Variants in GPC6 observed in about 807,000 individuals in gnomAD.
GPC6 encodes glypican-6.
In GPC6, 14 loss-of-function variants were observed where a neutral mutation model predicts 55.2. The ratio of observed to expected loss-of-function variants is 0.25; its 90% CI spans 0.17 to 0.40. The LOEUF (loss-of-function observed/expected upper bound fraction) is 0.40, where lower values mean the gene tolerates loss of function less well. GPC6 is among the 10% of genes least tolerant of loss of function. The pLI is 1.00. For synonymous variants in GPC6, 278 were observed against 259.6 expected (o/e 1.07, Z -0.68); for missense variants, 641 against 708.5 (o/e 0.90, Z 1.08).
chr13:93,256,169 CAAA>C (rs1230331244), intron 1 of GPC6, among the ~76,000 whole-genome samples: 1 of 55,126 alleles, frequency 1.8e-5, no homozygotes, highest in Non-Finnish European at 3.6e-5. Flanking sequence ...GACTCCATCT[CAAA>C]AAAAAAAAAA....
intron 1 of GPC6, among the ~76,000 whole-genome samples, chr13:93,355,429 G>C (rs1048866079): frequency 6.6e-6 from 1 of 152,174 alleles, no homozygotes; most frequent in East Asian, 1.9e-4. Context: ...TTATGGAAAA[G>C]GCAGCATTTG....
chr13:93,449,239 C>CT (rs36025001), intron 1 of GPC6, among the ~76,000 whole-genome samples: 32,753 of 152,028 alleles, frequency 0.22, 3,651 homozygotes, highest in Middle Eastern at 0.28. Flanking sequence ...TAAGGAAAGA[C>CT]TAGGAAAAGG....
At chr13:94,330,191 G>A (rs1018637909) in intron 6 of GPC6, among the ~76,000 whole-genome samples, 1 of 152,168 alleles carries the variant, frequency 6.6e-6, no homozygotes, top group African/African-American at 2.4e-5. Flanking sequence ...TGGAAACGAT[G>A]CAACCCTTGC....
intron 2 of GPC6, among the ~76,000 whole-genome samples, chr13:93,554,191 G>A (rs1245473004): frequency 1.3e-5 from 2 of 151,386 alleles, no homozygotes; most frequent in Admixed American, 1.3e-4. Context: ...ACATACACAG[G>A]ACTGAAGATA....
At chr13:94,136,302 C>A (rs149482788) in intron 4 of GPC6, among the ~76,000 whole-genome samples, 1 of 151,594 alleles carries the variant, frequency 6.6e-6, no homozygotes, top group African/African-American at 2.4e-5. Context: ...TTTGGGGGAG[C>A]TGCAAGCAGT....
At chr13:94,102,853 T>C (rs147883886) in intron 4 of GPC6, among the ~76,000 whole-genome samples, 85 of 152,284 alleles carry the variant, frequency 5.6e-4, no homozygotes, top group African/African-American at 2.0e-3. Context: ...TACAACTTAA[T>C]TAGTTATGTA....
rs200666212 is a variant in GPC6, at chr13:94,309,364, A to AT, written c.1152+3248dup. On this transcript the variant is annotated intron_variant, in intron 6 of 8. Coordinates refer to ENST00000377047, the MANE Select transcript of GPC6 (RefSeq NM_005708.5). ...TTCTTATATCAGTTATTCTAAAGCTATTTTTTTAATGTGAACTGGTCGTTA... is the reference window on the plus strand; with the variant it reads ...TTCTTATATCAGTTATTCTAAAGCTATTTTTTTTAATGTGAACTGGTCGTTA... Among the ~76,000 whole-genome samples, 755 of 152,214 alleles carry AT rather than the reference A, an allele frequency of 5.0e-3. 6 individuals are homozygous for AT. Among genetic ancestry groups the AT allele is most frequent in the African/African-American group, 0.017 (716 of 41,534 alleles).
At chr13:94,256,864 A>G (rs1891522490) in intron 4 of GPC6, among the ~76,000 whole-genome samples, 1 of 152,144 alleles carries the variant, frequency 6.6e-6, no homozygotes, top group African/African-American at 2.4e-5. Context: ...TCTTTTTTAG[A>G]CTGAACAAAA....
At chr13:94,275,389 AC>A (rs1892170890) in intron 4 of GPC6, among the ~76,000 whole-genome samples, 1 of 152,154 alleles carries the variant, frequency 6.6e-6, no homozygotes, top group Admixed American at 6.5e-5. Flanking sequence ...AGAATGAGTT[AC>A]GTCTACATCT....
intron 1 of GPC6, among the ~76,000 whole-genome samples, chr13:93,307,987 C>G (rs1047400573): frequency 2.0e-5 from 3 of 152,008 alleles, no homozygotes; most frequent in Admixed American, 6.6e-5. Flanking sequence ...AAATGGTGGC[C>G]GGGCATGGTG....
At chr13:93,451,894 A>G (rs139244359) in intron 1 of GPC6, among the ~76,000 whole-genome samples, 21 of 152,232 alleles carry the variant, frequency 1.4e-4, no homozygotes, top group African/African-American at 4.3e-4. Context: ...CTATGATACC[A>G]GAGCAGTGTA....
intron 4 of GPC6, among the ~76,000 whole-genome samples, chr13:94,134,440 TC>T (rs1341649248): frequency 6.6e-6 from 1 of 152,168 alleles, no homozygotes; most frequent in Non-Finnish European, 1.5e-5. Context: ...GAAATTTAGA[TC>T]CCCCAGAAGA....
At chr13:94,127,178 C>T (rs1431322373) in intron 4 of GPC6, among the ~76,000 whole-genome samples, 3 of 151,864 alleles carry the variant, frequency 2.0e-5, no homozygotes. Flanking sequence ...TGGTTTGAAC[C>T]TATGAAGGAG....
intron 4 of GPC6, among the ~76,000 whole-genome samples, chr13:94,237,603 G>A (rs1890918229): frequency 6.6e-6 from 1 of 152,142 alleles, no homozygotes; most frequent in Admixed American, 6.6e-5. Context: ...AAGAGCATTT[G>A]CCCTACACAG....
At chr13:93,547,174 CAAAAAAA>C (rs55697128) in intron 2 of GPC6, among the ~76,000 whole-genome samples, 86,403 of 129,062 alleles carry the variant, frequency 0.67, 27,871 homozygotes, top group Non-Finnish European at 0.75. Context: ...ACTAAAAATA[CAAAAAAA>C]AAAAAAAAAA....
At chr13:93,310,697 T>C (rs1879036634) in intron 1 of GPC6, among the ~76,000 whole-genome samples, 1 of 152,184 alleles carries the variant, frequency 6.6e-6, no homozygotes, top group African/African-American at 2.4e-5. Context: ...CATAAACTTT[T>C]TGAAAATGCG....
chr13:93,782,315 T>G (rs1358190895), intron 2 of GPC6, among the ~76,000 whole-genome samples: 1 of 152,230 alleles, frequency 6.6e-6, no homozygotes, highest in Non-Finnish European at 1.5e-5. Context: ...TATCACATTT[T>G]CCTTATCCAT....
intron 1 of GPC6, among the ~76,000 whole-genome samples, chr13:93,401,154 TCGTGTGTGTG>T (rs1421764346): frequency 9.4e-6 from 1 of 106,496 alleles, no homozygotes; most frequent in Non-Finnish European, 2.0e-5. Context: ...GAGGTATTTG[TCGTGTGTGTG>T]TGTGTGTGTG....
At chr13:94,069,381 G>A (rs868762997) in intron 4 of GPC6, among the ~76,000 whole-genome samples, 2 of 152,138 alleles carry the variant, frequency 1.3e-5, no homozygotes, top group Non-Finnish European at 1.5e-5. Flanking sequence ...CTTTGGGCCT[G>A]TGATGGGAGG....
Sources: gnomAD v4.1 joint callset for allele counts (sites outside exome capture counted in the v4.1 genomes callset) on GRCh38, gnomAD v4.1.1 for gene constraint, MANE v1.5 for transcripts, NCBI Gene and HGNC (gene_info 2026-07-23, HGNC 2026-07-21) for gene names.